The following LRRC8B variants were observed in gnomAD, a reference collection of about 807,000 sequenced individuals.
LRRC8B encodes the protein leucine rich repeat containing 8 VRAC subunit B, also known as volume-regulated anion channel subunit LRRC8B.
LRRC8B carries 23 observed loss-of-function variants against 58.8 expected under a neutral mutation model. The ratio of observed to expected loss-of-function variants is 0.39; its 90% confidence interval spans 0.28 to 0.55. LRRC8B has a LOEUF of 0.55. LRRC8B is among the 20% of genes least tolerant of loss of function. The pLI, the probability that LRRC8B is intolerant of heterozygous loss-of-function variation, is 0.62. For missense variants in LRRC8B, 694 were observed against 936.0 expected (o/e 0.74, Z 3.37); for synonymous variants, 359 against 374.1 (o/e 0.96, Z 0.47).
rs1397010394 is a variant in LRRC8B, at chr1:89,569,562, A to T, written c.-125+1069A>T. The stretch of plus-strand genomic sequence containing the variant: ...CTCCCACTTATAAGTGAAAAAATGT[A>T]TTTAGTTTTCTGTTTCCGCTTTAGC... On this transcript the variant is annotated intron_variant, in intron 3 of 5. Transcript: ENST00000330947. 3.9e-5 allele frequency among the ~76,000 whole-genome samples: 6 copies of T among 152,152 alleles called. No individual in the cohort carries two copies. In the East Asian group the frequency reaches 9.7e-4, roughly 25 times the overall value.
chr1:89,592,343 GTAT>G (rs1210718239), intron 5 of LRRC8B, among the ~76,000 whole-genome samples: 4 of 152,068 alleles, frequency 2.6e-5, no homozygotes, highest in African/African-American at 7.2e-5. Flanking sequence ...GTTTTTAAGG[GTAT>G]TATTCATTAC....
At chr1:89,533,924 G>C (rs1392051749) in intron 1 of LRRC8B, among the ~76,000 whole-genome samples, 1 of 152,206 alleles carries the variant, frequency 6.6e-6, no homozygotes, top group African/African-American at 2.4e-5. Context: ...GCTGTTGATA[G>C]GTATCAGTTG....
rs1457837902 is a variant in LRRC8B at position 89,582,684 on chromosome 1, G to A, written c.34G>A (p.Asp12Asn). 2.5e-6 allele frequency: 4 copies of A among 1,613,978 alleles called. No individual in the cohort carries two copies. Among genetic ancestry groups the A allele is most frequent in the Non-Finnish European group, 3.4e-6 (4 of 1,179,958 alleles). Residue 12 changes from aspartate to asparagine, a missense_variant, in exon 5 of 6, where the codon GAT becomes AAT. By Grantham distance (23) the Asp-to-Asn change is conservative. Around this residue, in one of 5 missense-constraint regions of LRRC8B, gnomAD observed 316 missense variants for 403.8 expected, o/e 0.78. Transcript: ENST00000330947. ...ITLTELKCLADAQSSYHILKP... is the reference protein window; with the variant it reads ...ITLTELKCLANAQSSYHILKP... ...ACTAACTGAGCTAAAATGCTTAGCA[G>A]ATGCCCAGTCATCTTATCACATCTT...
chr1:89,557,552 C>G (rs1652283128), intron 1 of LRRC8B, among the ~76,000 whole-genome samples: 1 of 152,072 alleles, frequency 6.6e-6, no homozygotes, highest in Non-Finnish European at 1.5e-5. Flanking sequence ...AGATGGAGGC[C>G]TGTATTTAGT....
chr1:89,582,630 G>A lies in LRRC8B; in HGVS notation c.-21G>A, dbSNP rs186128107. ...CTTTTATTTCCCTCTTCCAGTTTCT[G>A]TCCTCCTACAAGGGAAAGTCATGAT... On this transcript the variant is annotated 5_prime_UTR_variant, in exon 5 of 6. Coordinates refer to ENST00000330947, the MANE Select transcript of LRRC8B (RefSeq NM_001369817.2). The A allele has an allele frequency of 2.2e-4, 352 of 1,568,516 alleles. No individual in the cohort carries two copies. In the African/African-American group the frequency reaches 4.3e-3, roughly 19 times the overall value.
intron 5 of LRRC8B, 88 bp from the exon 6 acceptor site, chr1:89,592,676 ATGTTTTG>A: frequency 9.8e-7 from 1 of 1,022,510 alleles, no homozygotes; most frequent in Admixed American, 2.4e-5. Flanking sequence ...ACCTCCAGAA[ATGTTTTG>A]TTTTTTTTTT....
At chr1:89,588,862 GT>G (rs1654805513) in intron 5 of LRRC8B, among the ~76,000 whole-genome samples, 2 of 152,176 alleles carry the variant, frequency 1.3e-5, no homozygotes, top group South Asian at 4.1e-4. Flanking sequence ...CCCACTGCCT[GT>G]TTTTATACAG....
rs768445955 is a variant in LRRC8B, at chr1:89,584,332, C to T, written c.1682C>T (p.Pro561Leu). The T allele has an allele frequency of 6.8e-6, 11 of 1,614,036 alleles. No individual in the cohort carries two copies. The East Asian group carries it at 2.2e-4, about 33-fold the overall frequency. The change falls in exon 5 of 6, where the codon CCT becomes CTT. Residue 561 changes from proline to leucine, a missense_variant. Transcript: ENST00000330947. ...CCACAAGTTGTTACAGACCTCCTGCCTTCATTGCAGAAACTGTCCCTTGAT... is the reference window on the plus strand; with the variant it reads ...CCACAAGTTGTTACAGACCTCCTGCTTTCATTGCAGAAACTGTCCCTTGAT... Reference protein sequence around the residue: ...RIPQVVTDLLPSLQKLSLDNE... With the variant: ...RIPQVVTDLLLSLQKLSLDNE...
chr1:89,525,902 G>C (rs1372404225), intron 1 of LRRC8B, among the ~76,000 whole-genome samples: 1 of 152,130 alleles, frequency 6.6e-6, no homozygotes, highest in Non-Finnish European at 1.5e-5. Context: ...AAAGATAACA[G>C]TATGAACATT....
Position 89,530,790 on chromosome 1 carries a change from C to G in LRRC8B, c.-241+5768C>G, listed in dbSNP as rs777254407. ...ACCCCAACGGCCGGTCCCTCCGTAC[C>G]TTTCCATTTTGCACAGACAGGAACC... is the stretch of plus-strand genomic sequence containing the variant. On this transcript the variant is annotated intron_variant, in intron 1 of 5. Coordinates refer to ENST00000330947, the MANE Select transcript of LRRC8B (RefSeq NM_001369817.2). 2.0e-5 allele frequency among the ~76,000 whole-genome samples: 3 copies of G among 152,264 alleles called. No individual in the cohort carries two copies. In the South Asian group the frequency reaches 6.2e-4, roughly 32 times the overall value.
chr1:89,582,514 C>A (rs1370730658), intron 4 of LRRC8B, 111 bp from the exon 5 acceptor site: 1 of 661,106 alleles, frequency 1.5e-6, no homozygotes, highest in South Asian at 1.9e-5. Flanking sequence ...TTAGGTTTTA[C>A]CCCAGAGCTA....
In LRRC8B at chr1:89,583,013, C is replaced by T; in HGVS notation, c.363C>T (p.Phe121=). The T allele has an allele frequency of 6.2e-7, 1 of 1,614,194 alleles. No individual in the cohort carries two copies. The highest frequency in any genetic ancestry group is 1.1e-5 in the South Asian group (1 of 91,080). ...AGCTCCATTGGTTTGCAAAGTTTTT[C>T]CCCTATCTGGTGCTCTTGCACACGC... ...EKQLHWFAKF[F]PYLVLLHTLI... Residue 121 remains phenylalanine, a synonymous_variant, in exon 5 of 6, where the codon TTC becomes TTT. Transcript: ENST00000330947. This position sits in a 1 kb window ranked among gnomAD's most constrained non-coding sequence, Gnocchi z 5.2.
In LRRC8B at chr1:89,592,680, T is replaced by C. The variant is rs921180916; in HGVS notation, c.2140-91T>C. The C allele has an allele frequency of 1.3e-4, 143 of 1,125,590 alleles. No individual in the cohort carries two copies. The African/African-American group carries it at 2.5e-3, about 20-fold the overall frequency. The allele number at this position is 1,125,590 out of a possible 1,614,324, so 69.7% of individuals were successfully genotyped here. On this transcript the variant is annotated intron_variant, in intron 5 of 5. Coordinates refer to ENST00000330947, the MANE Select transcript of LRRC8B (RefSeq NM_001369817.2). ...ATCACTTATAAACCTCCAGAAATGT[T>C]TTGTTTTTTTTTTTTTGGAAAAAAG...
intron 5 of LRRC8B, among the ~76,000 whole-genome samples, chr1:89,590,243 A>G (rs1654891635): frequency 6.6e-6 from 1 of 152,194 alleles, no homozygotes; most frequent in Non-Finnish European, 1.5e-5. Context: ...TTTTTTATAG[A>G]ATTTGTTGAC....
In LRRC8B at chr1:89,592,906, T is replaced by C. The variant is rs116451319; in HGVS notation, c.2275T>C (p.Tyr759His). The change falls in exon 6 of 6, where the codon TAC becomes CAC. Residue 759 changes from tyrosine to histidine, a missense_variant. Coordinates refer to ENST00000330947, the MANE Select transcript of LRRC8B (RefSeq NM_001369817.2). ...TACTCATCTGGAGCTCATTGGTAAT[T>C]ACCTGGAAACACTTCCTCCTGAACT... ...NLTHLELIGN[Y>H]LETLPPELEG... The C allele has an allele frequency of 6.1e-5, 99 of 1,614,168 alleles. No homozygotes were observed. The highest frequency in any genetic ancestry group is 8.1e-5 in the Non-Finnish European group (96 of 1,180,022).
At chr1:89,542,014 A>G (rs1413319780) in intron 1 of LRRC8B, among the ~76,000 whole-genome samples, 1 of 152,194 alleles carries the variant, frequency 6.6e-6, no homozygotes, top group Non-Finnish European at 1.5e-5. Flanking sequence ...TTTTAATGTA[A>G]TATATGGCTT....
At chr1:89,526,007 C>G (rs959006530) in intron 1 of LRRC8B, among the ~76,000 whole-genome samples, 1 of 152,164 alleles carries the variant, frequency 6.6e-6, no homozygotes, top group Non-Finnish European at 1.5e-5. Context: ...AAAAGACAAC[C>G]TATTTGCAAA....
intron 3 of LRRC8B, among the ~76,000 whole-genome samples, chr1:89,569,214 T>C (rs548515930): frequency 1.3e-5 from 2 of 152,306 alleles, no homozygotes; most frequent in South Asian, 4.2e-4. Context: ...TAAACATCCT[T>C]TTTTTACAGA....
In LRRC8B at chr1:89,597,121, CA is replaced by C. The variant is rs1258321405; in HGVS notation, c.*4079del. On this transcript the variant is annotated 3_prime_UTR_variant, in exon 6 of 6. Transcript: ENST00000330947. ...GAAAAGCTGAAGCAGTGAAAACCTGCAGTCTTATTTCACTGGTTTCCTTCTG... is the reference window on the plus strand; with the variant it reads ...GAAAAGCTGAAGCAGTGAAAACCTGCGTCTTATTTCACTGGTTTCCTTCTG... 1.3e-5 allele frequency: 2 copies of C among 152,150 alleles called. No homozygotes were observed. Among genetic ancestry groups the C allele is most frequent in the African/African-American group, 4.8e-5 (2 of 41,446 alleles). 9.4% of individuals were successfully genotyped at this position (152,150 alleles called of 1,614,324 possible).
Sources: allele counts gnomAD v4.1 joint callset (sites outside exome capture counted in the v4.1 genomes callset), GRCh38; gene constraint gnomAD v4.1.1; regional missense constraint gnomAD v4.1.1; non-coding constraint Gnocchi (gnomAD v3.1); transcripts MANE v1.5; gene names NCBI Gene and HGNC (gene_info 2026-07-23, HGNC 2026-07-21).